The following UGT8 variants were observed in gnomAD, a reference collection of about 807,000 sequenced individuals.
The protein encoded by UGT8 is 2-hydroxyacylsphingosine 1-beta-galactosyltransferase.
In UGT8, 12 loss-of-function variants were observed where a neutral mutation model predicts 40.5. The ratio of observed to expected loss-of-function variants is 0.30; its 90% CI spans 0.19 to 0.48. UGT8 has a LOEUF of 0.48. Ranked by LOEUF, UGT8 falls within the 20% of genes least tolerant of loss-of-function variation. The pLI, the probability that UGT8 is intolerant of heterozygous loss-of-function variation, is 0.99. For synonymous variants in UGT8, 224 were observed against 240.4 expected (o/e 0.93, Z 0.63); for missense variants, 513 against 648.7 (o/e 0.79, Z 2.27).
intron 1 of UGT8, among the ~76,000 whole-genome samples, chr4:114,617,805 G>A (rs1028387607): frequency 6.6e-6 from 1 of 152,208 alleles, no homozygotes; most frequent in Non-Finnish European, 1.5e-5. Context: ...TGGGGAGTAA[G>A]TGGAGACCAG....
chr4:114,647,329 C>G (rs1733629929), intron 2 of UGT8, among the ~76,000 whole-genome samples: 1 of 150,452 alleles, frequency 6.6e-6, no homozygotes, highest in Admixed American at 6.7e-5. Context: ...AGTTACCATT[C>G]TAAACAATTT....
chr4:114,653,777 C>T (rs1308189649), intron 2 of UGT8, among the ~76,000 whole-genome samples: 2 of 151,922 alleles, frequency 1.3e-5, no homozygotes, highest in African/African-American at 2.4e-5. Flanking sequence ...CTCTTTATTT[C>T]CCCAGTCTTC....
intron 2 of UGT8, among the ~76,000 whole-genome samples, chr4:114,659,555 G>A (rs1734393698): frequency 1.3e-5 from 2 of 152,136 alleles, no homozygotes; most frequent in Non-Finnish European, 2.9e-5. Flanking sequence ...TAAGCAGGTT[G>A]AGCCCAGATG....
chr4:114,624,988 C>A (rs1295750581), intron 2 of UGT8, among the ~76,000 whole-genome samples: 1 of 152,152 alleles, frequency 6.6e-6, no homozygotes, highest in Non-Finnish European at 1.5e-5. Flanking sequence ...CTGGCAGAGT[C>A]ACCTTCCTAA....
intron 2 of UGT8, among the ~76,000 whole-genome samples, chr4:114,643,945 T>C (rs1733387845): frequency 6.6e-6 from 1 of 152,180 alleles, no homozygotes; most frequent in South Asian, 2.1e-4. Flanking sequence ...TACTCCCATT[T>C]TCTGCAAATT....
intron 2 of UGT8, among the ~76,000 whole-genome samples, chr4:114,629,151 A>G (rs1296921065): frequency 1.3e-5 from 2 of 152,178 alleles, no homozygotes; most frequent in South Asian, 2.1e-4. Flanking sequence ...TAATAATTAC[A>G]TATGCAATTT....
Position 114,646,044 on chromosome 4 carries a change from A to G in UGT8, c.823-17951A>G, listed in dbSNP as rs540138486. ...ATATTATGTAGTATATGTAATAAGA[A>G]GTATTGCAGAGTATCTATTTATTGA... On this transcript the variant is annotated intron_variant, in intron 2 of 5. Coordinates refer to ENST00000310836, the MANE Select transcript of UGT8 (RefSeq NM_001128174.3). 1.1e-4 allele frequency among the ~76,000 whole-genome samples: 17 copies of G among 152,308 alleles called. No homozygotes were observed. In the East Asian group the frequency reaches 3.3e-3, roughly 29 times the overall value.
At chr4:114,608,098 T>C (rs114489452) in intron 1 of UGT8, among the ~76,000 whole-genome samples, 1,983 of 152,328 alleles carry the variant, frequency 0.013, 31 homozygotes, top group African/African-American at 0.035. Context: ...AATAGGATTC[T>C]ATCCTGTTTA....
At chr4:114,612,116 G>C (rs1417810062) in intron 1 of UGT8, among the ~76,000 whole-genome samples, 1 of 152,062 alleles carries the variant, frequency 6.6e-6, no homozygotes, top group African/African-American at 2.4e-5. Flanking sequence ...TTCCAGGTAA[G>C]TTTTATAACC....
At chr4:114,662,926 C>T (rs527271982) in intron 2 of UGT8, among the ~76,000 whole-genome samples, 1 of 147,562 alleles carries the variant, frequency 6.8e-6, no homozygotes, top group African/African-American at 2.5e-5. Context: ...CCCAGGTTCT[C>T]CTGCCTCAGC....
At chr4:114,622,843 A>G (rs1731908693) in intron 1 of UGT8, 36 bp from the exon 2 acceptor site, 8 of 1,543,518 alleles carry the variant, frequency 5.2e-6, no homozygotes. Context: ...TGAGCATTGT[A>G]TTTTGTTTTA....
At chr4:114,620,529 G>A (rs868244850) in intron 1 of UGT8, among the ~76,000 whole-genome samples, 1 of 152,156 alleles carries the variant, frequency 6.6e-6, no homozygotes, top group Admixed American at 6.6e-5. Context: ...CACTGATCTT[G>A]TAATTGTAGT....
At chr4:114,640,091 C>T (rs1365960066) in intron 2 of UGT8, among the ~76,000 whole-genome samples, 9 of 145,544 alleles carry the variant, frequency 6.2e-5, no homozygotes, top group South Asian at 2.2e-4. Flanking sequence ...AGTGCAGTGG[C>T]GCGATCTCGG....
At chr4:114,651,175 G>A (rs530486346) in intron 2 of UGT8, among the ~76,000 whole-genome samples, 8 of 152,010 alleles carry the variant, frequency 5.3e-5, no homozygotes, top group Admixed American at 2.0e-4. Flanking sequence ...TTAACTTAGC[G>A]GGGAAAAATT....
rs375803468 is a variant in UGT8, at chr4:114,676,324, C to G, written c.*36C>G. On this transcript the variant is annotated 3_prime_UTR_variant, in exon 6 of 6. Transcript: ENST00000310836. ...CAGGTGATAGAAATAAATTGGTTCA[C>G]TCATTGAATTTTTATTGCTATTATT... The G allele has an allele frequency of 6.6e-5, 100 of 1,505,422 alleles. No individual in the cohort carries two copies. The South Asian group carries it at 1.1e-3, about 17-fold the overall frequency. 93.3% of individuals were successfully genotyped at this position (1,505,422 alleles called of 1,614,324 possible).
At chr4:114,605,334 G>C (rs1022009215) in intron 1 of UGT8, among the ~76,000 whole-genome samples, 2 of 152,038 alleles carry the variant, frequency 1.3e-5, no homozygotes, top group African/African-American at 2.4e-5. Context: ...CTATTTATCT[G>C]AATTGTTAAT....
chr4:114,673,876 G>A (rs1215194091), intron 5 of UGT8, among the ~76,000 whole-genome samples: 1 of 152,102 alleles, frequency 6.6e-6, no homozygotes, highest in Non-Finnish European at 1.5e-5. Flanking sequence ...ACTGAGGATG[G>A]CCTTTTAATA....
intron 1 of UGT8, among the ~76,000 whole-genome samples, chr4:114,610,175 C>T (rs998587128): frequency 1.3e-5 from 2 of 152,076 alleles, no homozygotes; most frequent in African/African-American, 4.8e-5. Context: ...GGATTAGGAC[C>T]TAGGAAACCT....
chr4:114,645,814 G>T (rs1430555244), intron 2 of UGT8, among the ~76,000 whole-genome samples: 2 of 152,028 alleles, frequency 1.3e-5, no homozygotes, highest in African/African-American at 4.8e-5. Context: ...AGTTGTATAG[G>T]GATAGATTAG....
Sources: allele counts gnomAD v4.1 joint callset (sites outside exome capture counted in the v4.1 genomes callset), GRCh38; gene constraint gnomAD v4.1.1; transcripts MANE v1.5; gene names NCBI Gene and HGNC (gene_info 2026-07-23, HGNC 2026-07-21).